The following IRAK1BP1 variants were observed in gnomAD, a reference collection of about 807,000 sequenced individuals.
The protein encoded by IRAK1BP1 is interleukin-1 receptor-associated kinase 1-binding protein 1.
A neutral mutation model predicts 28.0 loss-of-function variants in IRAK1BP1; 24 were observed. That is an observed-to-expected ratio of 0.86 (90% confidence interval 0.62 to 1.20). The LOEUF is 1.20. Ranked by LOEUF, IRAK1BP1 falls within the 50% of genes most tolerant of loss-of-function variation. The probability of loss-of-function intolerance (pLI) is 0.00; values close to 1 mark genes in which losing one functional copy is unlikely to be tolerated. For synonymous variants in IRAK1BP1, 131 were observed against 116.3 expected, an observed-to-expected ratio of 1.13 and a Z score of -0.81; for missense variants, 336 against 316.7, an observed-to-expected ratio of 1.06 and a Z score of -0.46.
intron 2 of IRAK1BP1, among the ~76,000 whole-genome samples, chr6:78,886,478 G>A (rs1771437213): frequency 6.6e-6 from 1 of 152,088 alleles, no homozygotes; most frequent in Non-Finnish European, 1.5e-5. Context: ...AGTAGGAACT[G>A]AAAAATACCT....
the IRAK1BP1 span, among the ~76,000 whole-genome samples, chr6:78,952,195 C>T: frequency 6.6e-6 from 1 of 151,934 alleles, no homozygotes; most frequent in Non-Finnish European, 1.5e-5. Context: ...CTGAGGCAGG[C>T]AGATCACAAG....
At chr6:78,932,902 TA>T (rs1773101280) in intron 4 of IRAK1BP1, among the ~76,000 whole-genome samples, 2 of 152,190 alleles carry the variant, frequency 1.3e-5, no homozygotes, top group Non-Finnish European at 2.9e-5. Flanking sequence ...GTATCTTTTT[TA>T]TTTTTTTATT....
chr6:78,955,734 T>G, the IRAK1BP1 span: 1 of 663,568 alleles, frequency 1.5e-6, no homozygotes, highest in South Asian at 2.1e-5. Flanking sequence ...GATAATTTTT[T>G]TCCTTAAAAA....
chr6:78,911,729 C>T (rs1772427142), intron 4 of IRAK1BP1, among the ~76,000 whole-genome samples: 1 of 152,184 alleles, frequency 6.6e-6, no homozygotes, highest in Non-Finnish European at 1.5e-5. Context: ...TCTGAGTACT[C>T]TGTACCGGGC....
At chr6:78,955,173 A>G in the IRAK1BP1 span, 1 of 1,166,476 alleles carries the variant, frequency 8.6e-7, no homozygotes, top group Non-Finnish European at 1.2e-6. Context: ...AAATAAAGAA[A>G]GCTCTTAATA....
At chr6:78,970,231 T>A in the IRAK1BP1 span, 1 of 1,447,504 alleles carries the variant, frequency 6.9e-7, no homozygotes, top group Non-Finnish European at 9.5e-7. Context: ...CAAAATAGAC[T>A]GCTAAACATT....
chr6:78,955,572 A>T, the IRAK1BP1 span: 8 of 687,274 alleles, frequency 1.2e-5, no homozygotes, highest in Non-Finnish European at 7.7e-6. Flanking sequence ...TTTTTTATAT[A>T]GAGAATATCA....
At chr6:78,941,269 C>G (rs781149263) in intron 4 of IRAK1BP1, 2 of 1,613,456 alleles carry the variant, frequency 1.2e-6, no homozygotes, top group African/African-American at 1.3e-5. Flanking sequence ...GTTTTGATGG[C>G]TGTCCTCCAT....
At chr6:78,934,026 T>C (rs1237754573) in intron 4 of IRAK1BP1, among the ~76,000 whole-genome samples, 1 of 152,200 alleles carries the variant, frequency 6.6e-6, no homozygotes, top group Non-Finnish European at 1.5e-5. Flanking sequence ...CTTGAGACTC[T>C]TCTATTCACT....
At chr6:78,969,761 T>C in the IRAK1BP1 span, 3 of 662,868 alleles carry the variant, frequency 4.5e-6, no homozygotes, top group East Asian at 2.8e-5. Flanking sequence ...TTCTCAATTA[T>C]GAAAAATAGT....
chr6:78,949,585 T>C (rs965715496), downstream of IRAK1BP1, among the ~76,000 whole-genome samples: 1 of 152,196 alleles, frequency 6.6e-6, no homozygotes, highest in African/African-American at 2.4e-5. Flanking sequence ...TTCTAAGCTT[T>C]TCCCTGGTTT....
At chr6:78,952,262 T>C in the IRAK1BP1 span, among the ~76,000 whole-genome samples, 1 of 151,598 alleles carries the variant, frequency 6.6e-6, no homozygotes, top group Non-Finnish European at 1.5e-5. Flanking sequence ...CTACTAAAAA[T>C]ATACAAATTA....
the IRAK1BP1 span, among the ~76,000 whole-genome samples, chr6:78,967,683 G>C: frequency 2.0e-5 from 3 of 152,150 alleles, no homozygotes; most frequent in South Asian, 6.2e-4. Context: ...AGATCCAAAT[G>C]AGAAAATTAT....
chr6:78,889,452 G>A (rs1182086059), intron 2 of IRAK1BP1, among the ~76,000 whole-genome samples: 1 of 151,778 alleles, frequency 6.6e-6, no homozygotes, highest in Non-Finnish European at 1.5e-5. Context: ...AAGAGCTTCT[G>A]CACAGCAAAA....
At chr6:78,885,074 G>T (rs943340482) in intron 1 of IRAK1BP1, among the ~76,000 whole-genome samples, 1 of 152,010 alleles carries the variant, frequency 6.6e-6, no homozygotes, top group Non-Finnish European at 1.5e-5. Context: ...TTGTTTTGCA[G>T]TGCAATTTTA....
chr6:78,934,689 C>T (rs970934949), intron 4 of IRAK1BP1, among the ~76,000 whole-genome samples: 3 of 152,150 alleles, frequency 2.0e-5, no homozygotes, highest in African/African-American at 7.2e-5. Flanking sequence ...GAGATTATCA[C>T]CACTGGCTAT....
chr6:78,969,860 A>G, the IRAK1BP1 span: 799,136 of 1,575,178 alleles, frequency 0.51, 205,647 homozygotes, highest in East Asian at 0.68. Flanking sequence ...TGTATTTTGC[A>G]TCATCAAATT....
At chr6:78,896,426 T>G (rs1203094849) in intron 2 of IRAK1BP1, among the ~76,000 whole-genome samples, 1 of 151,506 alleles carries the variant, frequency 6.6e-6, no homozygotes, top group East Asian at 1.9e-4. Flanking sequence ...TGTGGATGAA[T>G]TGCAAATACA....
chr6:78,871,622 G>T (rs371183920), intron 1 of IRAK1BP1: 1 of 795,596 alleles, frequency 1.3e-6, no homozygotes. Flanking sequence ...ATGGTATTCG[G>T]AGGAGGCTTT....
Sources: allele counts gnomAD v4.1 joint callset (sites outside exome capture counted in the v4.1 genomes callset), GRCh38; gene constraint gnomAD v4.1.1; transcripts MANE v1.5; gene names NCBI Gene and HGNC (gene_info 2026-07-23, HGNC 2026-07-21).